MATR3: variants seen among roughly 807,000 people sequenced by gnomAD.
MATR3 encodes the protein matrin-3.
In MATR3, 4 loss-of-function variants were observed where a neutral mutation model predicts 85.5. The ratio of observed to expected loss-of-function variants is 0.05; its 90% CI spans 0.02 to 0.11. MATR3 has a LOEUF of 0.11. Ranked by LOEUF, MATR3 falls within the 10% of genes least tolerant of loss-of-function variation. The pLI, the probability that MATR3 is intolerant of heterozygous loss-of-function variation, is 1.00. For synonymous variants in MATR3, 336 were observed against 343.1 expected, an observed-to-expected ratio of 0.98 and a Z score of 0.23; for missense variants, 685 against 1,016.1, an observed-to-expected ratio of 0.67 and a Z score of 4.43.
At position 139,313,944 on chromosome 5, in the gene MATR3, G is replaced by A. The variant is rs185344070; in HGVS notation, c.913-731G>A. On this transcript the variant is annotated intron_variant, in intron 2 of 14. Coordinates refer to ENST00000394805, the MANE Select transcript of MATR3 (RefSeq NM_018834.6). ...GTTTTGTTTTGTTTTGTTTTGAGAC[G>A]GAGTCTTTGTCATCCAGGCTGGAGT... is the stretch of plus-strand genomic sequence containing the variant. 12 of 152,278 alleles carry A rather than the reference G, an allele frequency of 7.9e-5. 1 individual carries two copies. In the East Asian group the frequency reaches 1.5e-3, roughly 20 times the overall value. 9.4% of individuals were successfully genotyped at this position (152,278 alleles called of 1,614,324 possible). A position where few individuals can be genotyped will look rare whatever the true frequency, so the allele number is the denominator to read the frequency against.
At chr5:139,295,151 A>G (rs903176671) in intron 1 of MATR3, among the ~76,000 whole-genome samples, 2 of 152,242 alleles carry the variant, frequency 1.3e-5, no homozygotes, top group African/African-American at 4.8e-5. Context: ...ATTTTAATAA[A>G]TGTTTAAAAT....
chr5:139,289,493 C>T (rs986003738), upstream of MATR3, among the ~76,000 whole-genome samples: 2 of 152,216 alleles, frequency 1.3e-5, no homozygotes, highest in Non-Finnish European at 2.9e-5. Flanking sequence ...CTTCTTGCAG[C>T]TCCAGCTCTC....
intron 10 of MATR3, among the ~76,000 whole-genome samples, chr5:139,322,254 T>C (rs1755610815): frequency 6.6e-6 from 1 of 152,238 alleles, no homozygotes; most frequent in Admixed American, 6.5e-5. Context: ...TTTAAGTTTT[T>C]CATAGCGTTC....
intron 7 of MATR3, among the ~76,000 whole-genome samples, chr5:139,317,991 A>G (rs1253596377): frequency 6.6e-6 from 1 of 152,230 alleles, no homozygotes; most frequent in Non-Finnish European, 1.5e-5. Context: ...AAGCCATTTC[A>G]GATCTATACC....
At chr5:139,277,566 G>T (rs1178290980) in intron 2 of MATR3, among the ~76,000 whole-genome samples, 1 of 152,042 alleles carries the variant, frequency 6.6e-6, no homozygotes, top group Non-Finnish European at 1.5e-5. Flanking sequence ...TTGGGGGATG[G>T]TTAGCTTTAT....
At chr5:139,295,531 T>A (rs1162796244) in intron 1 of MATR3, among the ~76,000 whole-genome samples, 1 of 152,226 alleles carries the variant, frequency 6.6e-6, no homozygotes, top group East Asian at 1.9e-4. Context: ...TGTACAGCTT[T>A]TATATCACAT....
intron 7 of MATR3, 111 bp from the exon 8 acceptor site, chr5:139,318,797 T>C: frequency 1.0e-6 from 1 of 984,724 alleles, no homozygotes; most frequent in Admixed American, 2.0e-5. Context: ...AATGATTAAA[T>C]ATATCTGAAA....
chr5:139,325,374 C>G, intron 12 of MATR3, 66 bp from the exon 13 acceptor site: 1 of 1,609,418 alleles, frequency 6.2e-7, no homozygotes, highest in South Asian at 1.1e-5. Context: ...ACTTCAGAAA[C>G]TTCGTAAATC....
chr5:139,316,319 C>G, intron 5 of MATR3, 131 bp downstream of exon 5: 1 of 691,808 alleles, frequency 1.4e-6, no homozygotes, highest in Non-Finnish European at 2.6e-6. Context: ...GATCTCGACT[C>G]ACTGCAACCT....
rs190344508 is a variant in MATR3, at chr5:139,277,966, G to T, written c.-256-1085G>T. Among the ~76,000 whole-genome samples, 110 of 151,852 alleles carry T rather than the reference G, an allele frequency of 7.2e-4. 4 individuals are homozygous for T. Among genetic ancestry groups the T allele is most frequent in the Non-Finnish European group, 6.9e-4 (47 of 67,928 alleles). On this transcript the variant is annotated intron_variant, in intron 2 of 16. Transcript: ENST00000509990. Reference sequence around the variant, plus strand: ...ATATACAGGCCAGGCACGGTGGCTCGCACCTGTATTCCCAGCACTTTGGGA... The same window carrying T: ...ATATACAGGCCAGGCACGGTGGCTCTCACCTGTATTCCCAGCACTTTGGGA...
intron 3 of MATR3, among the ~76,000 whole-genome samples, chr5:139,281,061 G>T (rs1012478167): frequency 1.3e-5 from 2 of 152,060 alleles, no homozygotes; most frequent in African/African-American, 4.8e-5. Flanking sequence ...ACCCAGCCTG[G>T]TGTGCAGTGG....
chr5:139,327,710 A>G (rs1300875305), intron 14 of MATR3, among the ~76,000 whole-genome samples: 1 of 150,968 alleles, frequency 6.6e-6, no homozygotes, highest in African/African-American at 2.4e-5. Context: ...CCTGAGCCAT[A>G]GTGCCCGCCC....
At chr5:139,290,778 T>C (rs997296635), upstream of MATR3, among the ~76,000 whole-genome samples, 2 of 152,092 alleles carry the variant, frequency 1.3e-5, no homozygotes, top group African/African-American at 2.4e-5. Flanking sequence ...CTCCTGTTAC[T>C]TCGTTTACGG....
chr5:139,324,621 T>C (rs1014779601), intron 12 of MATR3, among the ~76,000 whole-genome samples: 8 of 152,138 alleles, frequency 5.3e-5, no homozygotes, highest in African/African-American at 1.9e-4. Context: ...GCCATTACAC[T>C]GTTTGAGTAT....
Position 139,325,597 on chromosome 5 carries a change from A to G in MATR3, c.2306A>G (p.Asn769Ser). The stretch of plus-strand genomic sequence containing the variant: ...AACGCAGATGGTCAAAGTGATGAGA[A>G]CAAGGACGACTATACAATCCCAGAT... ...SENADGQSDE[N>S]KDDYTIPDEY... Residue 769 changes from asparagine (N) to serine (S), a missense_variant, in exon 13 of 15, where the codon AAC becomes AGC. Coordinates refer to ENST00000394805, the MANE Select transcript of MATR3 (RefSeq NM_018834.6). The G allele has an allele frequency of 1.9e-6, 3 of 1,614,216 alleles. No individual in the cohort carries two copies. The highest frequency in any genetic ancestry group is 2.5e-6 in the Non-Finnish European group (3 of 1,180,038).
chr5:139,323,350 T>C (rs1217722565), intron 12 of MATR3, among the ~76,000 whole-genome samples: 6 of 152,178 alleles, frequency 3.9e-5, no homozygotes, highest in African/African-American at 1.4e-4. Context: ...GTTAAAACTT[T>C]TGCCACTCAT....
intron 1 of MATR3, among the ~76,000 whole-genome samples, chr5:139,300,967 C>A (rs1754409110): frequency 6.6e-6 from 1 of 152,166 alleles, no homozygotes; most frequent in African/African-American, 2.4e-5. Context: ...GCGCCTGCCA[C>A]CACACCTGGC....
At chr5:139,324,988 G>A (rs1055064622) in intron 12 of MATR3, among the ~76,000 whole-genome samples, 1 of 151,886 alleles carries the variant, frequency 6.6e-6, no homozygotes, top group South Asian at 2.1e-4. Context: ...TCAGGAGATC[G>A]AGACCATCCT....
At chr5:139,284,165 T>A (rs1384318037) in intron 3 of MATR3, among the ~76,000 whole-genome samples, 2 of 152,202 alleles carry the variant, frequency 1.3e-5, no homozygotes, top group Admixed American at 1.3e-4. Context: ...TCAGTAATAC[T>A]CCAGTGAATG....
Sources: allele counts gnomAD v4.1 joint callset (sites outside exome capture counted in the v4.1 genomes callset), GRCh38; gene constraint gnomAD v4.1.1; transcripts MANE v1.5; gene names NCBI Gene and HGNC (gene_info 2026-07-23, HGNC 2026-07-21).